The following ACYP2 variants were observed in gnomAD, a reference collection of about 807,000 sequenced individuals.
The protein encoded by ACYP2 is acylphosphatase-2.
Under a neutral mutation model 11.2 loss-of-function variants are expected in ACYP2, and 12 were observed. The observed-to-expected ratio is 1.08, with a 90% CI of 0.69 to 1.74. The LOEUF (loss-of-function observed/expected upper bound fraction) is 1.74. Ranked by LOEUF, ACYP2 falls within the 40% of genes most tolerant of loss-of-function variation. The probability of loss-of-function intolerance (pLI) is 0.00; values close to 1 mark genes in which losing one functional copy is unlikely to be tolerated. For synonymous variants in ACYP2, 43 were observed against 32.2 expected, an observed-to-expected ratio of 1.33 and a Z score of -1.13; for missense variants, 134 against 101.9, an observed-to-expected ratio of 1.31 and a Z score of -1.35.
At chr2:54,091,574 C>T (rs746536744) in intron 4 of ACYP2, among the ~76,000 whole-genome samples, 1 of 151,564 alleles carries the variant, frequency 6.6e-6, no homozygotes, top group South Asian at 2.1e-4. Context: ...AGTGGTGGCA[C>T]GATCTCGGCT....
chr2:54,189,972 T>A (rs1273149238), intron 6 of ACYP2, among the ~76,000 whole-genome samples: 1 of 152,220 alleles, frequency 6.6e-6, no homozygotes, highest in Non-Finnish European at 1.5e-5. Context: ...GAGCATCTTT[T>A]CGTATACCTG....
At chr2:54,223,895 G>A (rs1342924445) in intron 6 of ACYP2, among the ~76,000 whole-genome samples, 1 of 151,946 alleles carries the variant, frequency 6.6e-6, no homozygotes, top group African/African-American at 2.4e-5. Context: ...TGTTTTTAAC[G>A]TAACAAATAT....
chr2:54,225,727 C>T (rs1309068505), intron 6 of ACYP2, among the ~76,000 whole-genome samples: 2 of 151,884 alleles, frequency 1.3e-5, no homozygotes, highest in Admixed American at 1.3e-4. Flanking sequence ...ATGAGAGGAC[C>T]CACTGACAAG....
chr2:54,296,784 T>A (rs1212383145), intron 6 of ACYP2, among the ~76,000 whole-genome samples: 1 of 152,242 alleles, frequency 6.6e-6, no homozygotes, highest in African/African-American at 2.4e-5. Context: ...GGTTATCAAA[T>A]AACCTGACTT....
chr2:54,007,464 A>G (rs6720080), intron 2 of ACYP2, among the ~76,000 whole-genome samples: 27,432 of 152,078 alleles, frequency 0.18, 2,637 homozygotes, highest in South Asian at 0.24. Flanking sequence ...CATGTTGGCC[A>G]GGATGGTCTT....
intron 2 of ACYP2, among the ~76,000 whole-genome samples, chr2:54,034,432 G>A (rs771598499): frequency 6.6e-6 from 1 of 152,074 alleles, no homozygotes; most frequent in Non-Finnish European, 1.5e-5. Flanking sequence ...CTAGATACAC[G>A]AATACTTACC....
intron 2 of ACYP2, among the ~76,000 whole-genome samples, chr2:54,024,825 T>A (rs1558478646): frequency 6.6e-6 from 1 of 152,138 alleles, no homozygotes; most frequent in Non-Finnish European, 1.5e-5. Context: ...TATGATCATA[T>A]ACCTAGAAAA....
intron 4 of ACYP2, among the ~76,000 whole-genome samples, chr2:54,098,795 A>G (rs1026033777): frequency 2.0e-5 from 3 of 150,458 alleles, no homozygotes; most frequent in African/African-American, 4.9e-5. Flanking sequence ...TGATGTGATC[A>G]TAGCTCACTG....
intron 2 of ACYP2, among the ~76,000 whole-genome samples, chr2:53,991,754 C>G (rs186025402): frequency 3.7e-4 from 57 of 152,164 alleles, no homozygotes; most frequent in African/African-American, 1.3e-3. Flanking sequence ...GCTCCAGGCA[C>G]TCCGACCTTC....
At chr2:54,170,913 T>C (rs1051237575) in intron 6 of ACYP2, among the ~76,000 whole-genome samples, 1 of 152,178 alleles carries the variant, frequency 6.6e-6, no homozygotes, top group Non-Finnish European at 1.5e-5. Context: ...ACCTCCTCAC[T>C]GCCCCTGTGA....
At chr2:53,974,059 A>G (rs1671339116) in intron 2 of ACYP2, among the ~76,000 whole-genome samples, 1 of 150,986 alleles carries the variant, frequency 6.6e-6, no homozygotes, top group African/African-American at 2.4e-5. Flanking sequence ...GGTGCGCACC[A>G]CCACATCCAG....
chr2:54,284,622 A>G lies in ACYP2; in HGVS notation c.405-20066A>G, dbSNP rs116743898. ...TCCCATCATTCCCATAGGCACACAA[A>G]TATGCTCTTGTATCTACAATTGTTT... On this transcript the variant is annotated intron_variant, in intron 6 of 6. Transcript: ENST00000607452. 5.2e-3 allele frequency among the ~76,000 whole-genome samples: 798 copies of G among 152,122 alleles called. 6 individuals are homozygous for G. Among genetic ancestry groups the G allele is most frequent in the Non-Finnish European group, 9.4e-3 (639 of 67,998 alleles).
Position 54,283,296 on chromosome 2 carries a change from C to G in ACYP2, c.405-21392C>G, listed in dbSNP as rs114812645. On this transcript the variant is annotated intron_variant, in intron 6 of 6. Coordinates refer to ENST00000607452, the MANE Select transcript of ACYP2 (RefSeq NM_001320586.2). ...TTAATATTGTTACCAAGATCTTATA[C>G]AAATTACTCATTGAACAAGCAATTC... 3.0e-3 allele frequency among the ~76,000 whole-genome samples: 460 copies of G among 152,256 alleles called. 4 individuals carry two copies. Among genetic ancestry groups the G allele is most frequent in the African/African-American group, 0.01 (434 of 41,536 alleles).
chr2:54,156,634 G>C (rs528753759), intron 6 of ACYP2, among the ~76,000 whole-genome samples: 1 of 151,676 alleles, frequency 6.6e-6, no homozygotes, highest in Admixed American at 6.6e-5. Context: ...TAGTGTAGAC[G>C]AGCATGAAAT....
Position 54,140,804 on chromosome 2 carries a change from A to G in ACYP2, c.404+2056A>G, listed in dbSNP as rs370762135. On this transcript the variant is annotated intron_variant, in intron 6 of 6. Coordinates refer to ENST00000607452, the MANE Select transcript of ACYP2 (RefSeq NM_001320586.2). ...TTTTTTGCAATAAGAGCAATGCTGCAATAAAATTTTATTGGTGATTTTATT... is the reference window on the plus strand; with the variant it reads ...TTTTTTGCAATAAGAGCAATGCTGCGATAAAATTTTATTGGTGATTTTATT... Among the ~76,000 whole-genome samples the G allele has an allele frequency of 1.2e-4, 18 of 152,274 alleles. No individual in the cohort carries two copies. The South Asian group carries it at 2.1e-3, about 18-fold the overall frequency.
At position 54,295,873 on chromosome 2, in the gene ACYP2, A is replaced by G. The variant is rs1573067770; in HGVS notation, c.405-8815A>G. 2.0e-5 allele frequency among the ~76,000 whole-genome samples: 3 copies of G among 151,802 alleles called. No homozygotes were observed. The South Asian group carries it at 6.2e-4, about 32-fold the overall frequency. On this transcript the variant is annotated intron_variant, in intron 6 of 6. Transcript: ENST00000607452. The stretch of plus-strand genomic sequence containing the variant: ...CCTCCCGGGTTCAAGCAATTCTCGT[A>G]CCTCAGCCTCCCACATAGCTGGAAT...
rs560456098 is a variant in ACYP2 at position 54,068,157 on chromosome 2, C to T, written c.277+10797C>T. Among the ~76,000 whole-genome samples, 23 of 152,134 alleles carry T rather than the reference C, an allele frequency of 1.5e-4. No individual in the cohort carries two copies. In the Middle Eastern group the frequency reaches 0.01, roughly 67 times the overall value. On this transcript the variant is annotated intron_variant, in intron 4 of 6. Coordinates refer to ENST00000607452, the MANE Select transcript of ACYP2 (RefSeq NM_001320586.2). ...TAATGCTCTTGGGATTTTCTCTGTG[C>T]CTTTAGTTGGTTCATCCCAGGAGAG... is the stretch of plus-strand genomic sequence containing the variant.
At chr2:54,051,791 T>A (rs1675879526) in intron 3 of ACYP2, 1 of 424,246 alleles carries the variant, frequency 2.4e-6, no homozygotes, top group South Asian at 2.3e-5. Flanking sequence ...ACACCTGTAA[T>A]CCCGGCACTT....
chr2:54,101,668 TC>T (rs1678899749), intron 4 of ACYP2, among the ~76,000 whole-genome samples: 1 of 99,862 alleles, frequency 1.0e-5, no homozygotes, highest in African/African-American at 3.5e-5. Context: ...AGGGAGACTG[TC>T]TCAAAAAAAA....
Sources: allele counts gnomAD v4.1 joint callset (sites outside exome capture counted in the v4.1 genomes callset), GRCh38; gene constraint gnomAD v4.1.1; transcripts MANE v1.5; gene names NCBI Gene and HGNC (gene_info 2026-07-23, HGNC 2026-07-21).